The following LRRIQ3 variants were observed in gnomAD, a reference collection of about 807,000 sequenced individuals.
LRRIQ3 encodes leucine-rich repeat and IQ domain-containing protein 3.
In LRRIQ3, 75 loss-of-function variants were observed where a neutral mutation model predicts 59.3. The observed-to-expected ratio is 1.26, with a 90% CI of 1.05 to 1.53. The LOEUF is 1.53. Among genes scored for constraint, LRRIQ3 ranks in the 40% most tolerant of loss-of-function variants. LRRIQ3 has a pLI of 0.00. For missense variants in LRRIQ3, 831 were observed against 710.0 expected, an observed-to-expected ratio of 1.17 and a Z score of -1.94; for synonymous variants, 250 against 231.3, an observed-to-expected ratio of 1.08 and a Z score of -0.73.
intron 1 of LRRIQ3, among the ~76,000 whole-genome samples, chr1:74,188,479 A>T (rs1005003906): frequency 1.3e-5 from 2 of 152,180 alleles, no homozygotes; most frequent in African/African-American, 4.8e-5. Context: ...AAATGTGCTA[A>T]CCTGCTATCT....
intron 4 of LRRIQ3, among the ~76,000 whole-genome samples, chr1:74,133,417 G>A (rs1360311576): frequency 6.6e-6 from 1 of 152,014 alleles, no homozygotes; most frequent in Non-Finnish European, 1.5e-5. Context: ...GCACATGTAT[G>A]TTTATTGCGG....
rs564534525 is a variant in LRRIQ3, at chr1:74,132,750, C to A, written c.707+22983G>T. 4.7e-3 allele frequency among the ~76,000 whole-genome samples: 720 copies of A among 152,216 alleles called. 3 individuals are homozygous for A. The highest frequency in any genetic ancestry group is 8.4e-3 in the Non-Finnish European group (574 of 68,002). On this transcript the variant is annotated intron_variant, in intron 4 of 7. Coordinates refer to ENST00000354431, the MANE Select transcript of LRRIQ3 (RefSeq NM_001105659.2). ...AAAGACTTAAATGTTAGACCTAAAA[C>A]CATAAAAACCCTAGAAGAAAACCTA...
chr1:74,096,460 A>T (rs1433665763), intron 5 of LRRIQ3, among the ~76,000 whole-genome samples: 1 of 152,090 alleles, frequency 6.6e-6, no homozygotes, highest in Non-Finnish European at 1.5e-5. Flanking sequence ...ATTATAGGAA[A>T]GCCAGTCAAA....
chr1:74,045,116 C>T (rs1428908511), intron 6 of LRRIQ3, among the ~76,000 whole-genome samples: 1 of 152,086 alleles, frequency 6.6e-6, no homozygotes. Context: ...TTTTATGGGG[C>T]AAGCATCATC....
At chr1:74,114,121 T>C (rs1387393862) in intron 4 of LRRIQ3, among the ~76,000 whole-genome samples, 3 of 151,756 alleles carry the variant, frequency 2.0e-5, no homozygotes, top group Non-Finnish European at 4.4e-5. Context: ...TGAGAGCAAG[T>C]TGGAATAGTG....
chr1:74,142,903 A>G (rs544520437), intron 4 of LRRIQ3, among the ~76,000 whole-genome samples: 9 of 152,100 alleles, frequency 5.9e-5, no homozygotes, highest in Middle Eastern at 3.4e-3. Context: ...CAGTAAGTCT[A>G]ATGAGGACAA....
chr1:74,183,478 T>A lies in LRRIQ3; in HGVS notation c.207A>T (p.Gln69His), dbSNP rs1650139613. The change falls in exon 2 of 8, where the codon CAA (glutamine) becomes CAT (histidine). Residue 69 changes from glutamine (Q) to histidine (H), a missense_variant. Transcript: ENST00000354431. ...NNFITDIHPL[Q>H]SCIKLIKLDL... The stretch of plus-strand genomic sequence containing the variant: ...CAAGTTTGATTAATTTTATACAACT[T>A]TGAAGTGGATGAATATCTGTAATAA... The A allele has an allele frequency of 2.5e-6, 4 of 1,607,360 alleles. No individual in the cohort carries two copies. In the African/African-American group the frequency reaches 5.4e-5, roughly 22 times the overall value.
chr1:74,095,146 T>C (rs2100525795), intron 5 of LRRIQ3: 1 of 152,242 alleles, frequency 6.6e-6, no homozygotes, highest in African/African-American at 2.4e-5. Context: ...AATGAAAGCA[T>C]AATGACTGGA....
At chr1:74,146,515 T>C (rs2100648287) in intron 4 of LRRIQ3, among the ~76,000 whole-genome samples, 1 of 152,332 alleles carries the variant, frequency 6.6e-6, no homozygotes, top group African/African-American at 2.4e-5. Flanking sequence ...TTAATAATTA[T>C]ATCATGCCTA....
chr1:74,044,134 A>G (rs1309103252), intron 6 of LRRIQ3, among the ~76,000 whole-genome samples: 4 of 152,102 alleles, frequency 2.6e-5, no homozygotes, highest in Non-Finnish European at 5.9e-5. Flanking sequence ...ACTTGATATA[A>G]CCTTCTTATG....
At chr1:74,180,890 GTCTGTGTTAA>G (rs1649937194) in intron 3 of LRRIQ3, 6 of 1,170,404 alleles carry the variant, frequency 5.1e-6, no homozygotes, top group Non-Finnish European at 7.2e-6. Context: ...ACCCCTTTCA[GTCTGTGTTAA>G]TGCCTTACTT....
At chr1:74,082,734 C>T (rs571434845) in intron 5 of LRRIQ3, 2 of 151,236 alleles carry the variant, frequency 1.3e-5, no homozygotes, top group African/African-American at 4.8e-5. Flanking sequence ...AAAAATGTCT[C>T]CTATTAACAA....
At chr1:74,092,354 A>G (rs973755178) in intron 5 of LRRIQ3, among the ~76,000 whole-genome samples, 2 of 152,116 alleles carry the variant, frequency 1.3e-5, no homozygotes, top group Non-Finnish European at 2.9e-5. Context: ...GCTGAATCTA[A>G]TTTAAACTGA....
intron 3 of LRRIQ3, among the ~76,000 whole-genome samples, chr1:74,176,117 C>A (rs113040151): frequency 6.6e-5 from 10 of 152,152 alleles, no homozygotes; most frequent in African/African-American, 2.4e-4. Context: ...CTATGTAGAG[C>A]GCTTCCTTTA....
At chr1:74,142,943 G>C (rs1459104607) in intron 4 of LRRIQ3, among the ~76,000 whole-genome samples, 1 of 152,062 alleles carries the variant, frequency 6.6e-6, no homozygotes, top group Admixed American at 6.6e-5. Flanking sequence ...TCTTGTATGT[G>C]TATCTATGTA....
chr1:74,054,432 A>T (rs1178488828), intron 6 of LRRIQ3, among the ~76,000 whole-genome samples: 3 of 152,112 alleles, frequency 2.0e-5, no homozygotes, highest in Non-Finnish European at 4.4e-5. Context: ...CAGTGAAATG[A>T]TTCTAAATGA....
intron 5 of LRRIQ3, among the ~76,000 whole-genome samples, chr1:74,103,787 T>TCCCC (rs545705860): frequency 2.2e-5 from 3 of 134,854 alleles, no homozygotes; most frequent in African/African-American, 8.3e-5. Flanking sequence ...CCTCTGTCCT[T>TCCCC]CCCCCCCCCG....
At chr1:74,060,209 C>CTTCTTCTTCTTCTTCTTCTTCTTT (rs1654670927) in intron 6 of LRRIQ3, among the ~76,000 whole-genome samples, 1 of 43,166 alleles carries the variant, frequency 2.3e-5, no homozygotes, top group Non-Finnish European at 5.9e-5. Flanking sequence ...TCTTCTTCTT[C>CTTCTTCTTCTTCTTCTTCTTCTTT]TTCTTCTTCT....
At chr1:74,044,551 A>G (rs1169812620) in intron 6 of LRRIQ3, among the ~76,000 whole-genome samples, 1 of 152,166 alleles carries the variant, frequency 6.6e-6, no homozygotes, top group East Asian at 1.9e-4. Context: ...TCACAATTAA[A>G]AGAACTAGAG....
Sources: gnomAD v4.1 joint callset for allele counts (sites outside exome capture counted in the v4.1 genomes callset) on GRCh38, gnomAD v4.1.1 for gene constraint, MANE v1.5 for transcripts, NCBI Gene and HGNC (gene_info 2026-07-23, HGNC 2026-07-21) for gene names.